Variants in RPS6KC1 observed in about 807,000 individuals in gnomAD.
RPS6KC1 encodes the protein ribosomal protein S6 kinase C1.
RPS6KC1 carries 54 observed loss-of-function variants against 103.8 expected under a neutral mutation model. That is an observed-to-expected ratio of 0.52 (90% CI 0.42 to 0.65). The LOEUF is 0.65. Among genes scored for constraint, RPS6KC1 ranks in the 30% least tolerant of loss-of-function variants. The pLI, the probability that RPS6KC1 is intolerant of heterozygous loss-of-function variation, is 0.00. For missense variants in RPS6KC1, 1,151 were observed against 1,253.8 expected, an observed-to-expected ratio of 0.92 and a Z score of 1.24; for synonymous variants, 439 against 438.7, an observed-to-expected ratio of 1.00 and a Z score of -0.01.
chr1:213,101,449 T>TTTC (rs1238582555), intron 3 of RPS6KC1, among the ~76,000 whole-genome samples: 2 of 152,164 alleles, frequency 1.3e-5, no homozygotes, highest in Non-Finnish European at 2.9e-5. Flanking sequence ...CTTGTCAAAG[T>TTTC]TTAGTGGAAT....
At chr1:213,298,355 T>C in the RPS6KC1 span, among the ~76,000 whole-genome samples, 1 of 152,226 alleles carries the variant, frequency 6.6e-6, no homozygotes, top group African/African-American at 2.4e-5. Context: ...TGGATTCTAT[T>C]TCTATTTCTG....
chr1:213,405,145 T>A, the RPS6KC1 span, among the ~76,000 whole-genome samples: 5 of 152,202 alleles, frequency 3.3e-5, no homozygotes, highest in South Asian at 1.0e-3. Context: ...GAAATCAGAG[T>A]GCACTTTTGA....
the RPS6KC1 span, among the ~76,000 whole-genome samples, chr1:213,738,414 A>T: frequency 6.6e-6 from 1 of 152,170 alleles, no homozygotes; most frequent in Non-Finnish European, 1.5e-5. Context: ...GAGAAAGTGG[A>T]TGTAGCTGTG....
chr1:213,243,359 A>G (rs915362456), intron 12 of RPS6KC1, among the ~76,000 whole-genome samples: 10 of 151,954 alleles, frequency 6.6e-5, no homozygotes, highest in Non-Finnish European at 1.2e-4. Flanking sequence ...GCCTCAAGCA[A>G]TCCTCCTGCC....
At chr1:213,409,219 G>A in the RPS6KC1 span, among the ~76,000 whole-genome samples, 1 of 151,960 alleles carries the variant, frequency 6.6e-6, no homozygotes, top group African/African-American at 2.4e-5. Context: ...GTATTAGGTT[G>A]GTGCTAAAGT....
chr1:213,608,296 G>T, the RPS6KC1 span, among the ~76,000 whole-genome samples: 2 of 152,176 alleles, frequency 1.3e-5, no homozygotes, highest in African/African-American at 4.8e-5. Context: ...GGTCCCAGCA[G>T]GGGGAAGGCA....
At chr1:213,819,112 A>C in the RPS6KC1 span, 1 of 152,222 alleles carries the variant, frequency 6.6e-6, no homozygotes, top group Non-Finnish European at 1.5e-5. Flanking sequence ...GGAAAATACA[A>C]GTATCCTTCC....
the RPS6KC1 span, among the ~76,000 whole-genome samples, chr1:213,600,664 A>T: frequency 6.6e-6 from 1 of 152,148 alleles, no homozygotes; most frequent in African/African-American, 2.4e-5. Flanking sequence ...GATTACTGGG[A>T]ATCATTTCTA....
At chr1:213,478,597 AT>A in the RPS6KC1 span, among the ~76,000 whole-genome samples, 1 of 152,004 alleles carries the variant, frequency 6.6e-6, no homozygotes, top group African/African-American at 2.4e-5. Context: ...TTAATTTCTA[AT>A]TTCTTAATTA....
the RPS6KC1 span, among the ~76,000 whole-genome samples, chr1:213,776,182 A>G: frequency 2.6e-5 from 4 of 152,062 alleles, no homozygotes; most frequent in African/African-American, 9.7e-5. Flanking sequence ...TTTTCACCTC[A>G]TTTCCTGAAT....
At chr1:213,238,490 C>A (rs1434896969) in intron 10 of RPS6KC1, among the ~76,000 whole-genome samples, 1 of 152,054 alleles carries the variant, frequency 6.6e-6, no homozygotes, top group African/African-American at 2.4e-5. Context: ...TTCTTGAATG[C>A]AGAAATGGCA....
At chr1:213,471,198 G>A in the RPS6KC1 span, among the ~76,000 whole-genome samples, 1 of 152,066 alleles carries the variant, frequency 6.6e-6, no homozygotes, top group African/African-American at 2.4e-5. Flanking sequence ...GGGCAAGTGA[G>A]TCCATTTAAA....
At chr1:213,850,805 T>C in the RPS6KC1 span, among the ~76,000 whole-genome samples, 1 of 152,012 alleles carries the variant, frequency 6.6e-6, no homozygotes, top group Non-Finnish European at 1.5e-5. Context: ...GCTTTTTTTT[T>C]TTTTAATCTT....
chr1:213,167,687 G>A (rs1297628332), intron 6 of RPS6KC1, among the ~76,000 whole-genome samples, 171 bp from the exon 7 acceptor site: 1 of 152,098 alleles, frequency 6.6e-6, no homozygotes, highest in Non-Finnish European at 1.5e-5. Context: ...TCAATGGGGG[G>A]TAATAGTTAG....
At chr1:213,289,477 C>T in the RPS6KC1 span, among the ~76,000 whole-genome samples, 6 of 151,996 alleles carry the variant, frequency 3.9e-5, no homozygotes, top group Non-Finnish European at 7.4e-5. Flanking sequence ...TTATGAAGCC[C>T]ATAAATAAAA....
chr1:213,422,325 A>G, the RPS6KC1 span, among the ~76,000 whole-genome samples: 11 of 152,380 alleles, frequency 7.2e-5, no homozygotes, highest in East Asian at 1.9e-3. Flanking sequence ...AGCATGTGTC[A>G]GAATTACATT....
chr1:213,636,497 A>G, the RPS6KC1 span, among the ~76,000 whole-genome samples: 2 of 152,194 alleles, frequency 1.3e-5, no homozygotes, highest in Non-Finnish European at 2.9e-5. Context: ...ACAATCTGAC[A>G]AAAACAAGAA....
chr1:213,364,770 G>A, the RPS6KC1 span, among the ~76,000 whole-genome samples: 1 of 151,988 alleles, frequency 6.6e-6, no homozygotes, highest in Non-Finnish European at 1.5e-5. Context: ...CCTGGTCAAC[G>A]TGGTAAAACC....
chr1:213,573,231 A>G, the RPS6KC1 span, among the ~76,000 whole-genome samples: 1 of 152,214 alleles, frequency 6.6e-6, no homozygotes, highest in East Asian at 1.9e-4. Flanking sequence ...TGCCTCCTGG[A>G]AACGCCCCAC....
Sources: gnomAD v4.1 joint callset for allele counts (sites outside exome capture counted in the v4.1 genomes callset) on GRCh38, gnomAD v4.1.1 for gene constraint, MANE v1.5 for transcripts, NCBI Gene and HGNC (gene_info 2026-07-23, HGNC 2026-07-21) for gene names.